RAB10: variants seen among roughly 807,000 people sequenced by gnomAD.
The protein encoded by RAB10 is RAB10, member RAS oncogene family.
A neutral mutation model predicts 25.7 loss-of-function variants in RAB10; 5 were observed. That is an observed-to-expected ratio of 0.19 (90% CI 0.10 to 0.41). RAB10 has a LOEUF of 0.41. RAB10 is among the 10% of genes least tolerant of loss of function. The pLI is 1.00. For synonymous variants in RAB10, 89 were observed against 86.4 expected (o/e 1.03, Z -0.16); for missense variants, 103 against 245.8 (o/e 0.42, Z 3.89).
intron 1 of RAB10, among the ~76,000 whole-genome samples, chr2:26,077,991 TAAAA>T (rs1666776481): frequency 6.6e-6 from 1 of 151,008 alleles, no homozygotes; most frequent in Non-Finnish European, 1.5e-5. Flanking sequence ...AAAAAATAAA[TAAAA>T]AAGGTAAAGG....
intron 3 of RAB10, among the ~76,000 whole-genome samples, chr2:26,126,210 G>T (rs1418934712): frequency 6.6e-6 from 1 of 152,040 alleles, no homozygotes; most frequent in African/African-American, 2.4e-5. Context: ...CATTCCATTA[G>T]TCTGTGTATC....
At chr2:26,119,205 G>A (rs1028910427) in intron 3 of RAB10, among the ~76,000 whole-genome samples, 2 of 152,018 alleles carry the variant, frequency 1.3e-5, no homozygotes, top group African/African-American at 2.4e-5. Context: ...TTAGGAGTTC[G>A]AGACCAGCTT....
intron 3 of RAB10, 75 bp downstream of exon 3, chr2:26,109,981 A>G (rs887261825): frequency 3.0e-6 from 4 of 1,355,500 alleles, no homozygotes; most frequent in South Asian, 1.6e-5. Context: ...AAATATTCCA[A>G]CTGATCTTCA....
intron 1 of RAB10, among the ~76,000 whole-genome samples, chr2:26,080,940 T>G (rs988776791): frequency 7.2e-5 from 11 of 152,152 alleles, no homozygotes; most frequent in African/African-American, 1.9e-4. Flanking sequence ...GTTGATATGG[T>G]TTGGCTGTGT....
chr2:26,036,135 CT>C (rs1006076630), intron 1 of RAB10, among the ~76,000 whole-genome samples: 5 of 152,320 alleles, frequency 3.3e-5, no homozygotes, highest in African/African-American at 1.2e-4. Flanking sequence ...TTAGCTGTAG[CT>C]GGCTAGGGTT....
intron 1 of RAB10, among the ~76,000 whole-genome samples, chr2:26,048,133 T>C (rs1666056250): frequency 6.6e-6 from 1 of 152,120 alleles, no homozygotes; most frequent in Admixed American, 6.6e-5. Flanking sequence ...CTGGGCTGAT[T>C]CTAGTTTTTA....
chr2:26,084,564 A>G (rs1376719921), intron 1 of RAB10, among the ~76,000 whole-genome samples: 1 of 152,220 alleles, frequency 6.6e-6, no homozygotes, highest in Non-Finnish European at 1.5e-5. Flanking sequence ...TATACCAAGT[A>G]CATTATTATT....
At chr2:26,059,831 C>T (rs1166578773) in intron 1 of RAB10, among the ~76,000 whole-genome samples, 8 of 152,198 alleles carry the variant, frequency 5.3e-5, no homozygotes, top group South Asian at 4.1e-4. Context: ...TCTGGAGATA[C>T]GTTTCACAAC....
At chr2:26,082,641 C>T (rs1346668476) in intron 1 of RAB10, among the ~76,000 whole-genome samples, 1 of 151,994 alleles carries the variant, frequency 6.6e-6, no homozygotes, top group East Asian at 1.9e-4. Context: ...TGAAAGAAAC[C>T]TCAGGCCCAA....
chr2:26,094,069 T>C (rs1271211519), intron 1 of RAB10, among the ~76,000 whole-genome samples: 1 of 151,790 alleles, frequency 6.6e-6, no homozygotes, highest in African/African-American at 2.4e-5. Flanking sequence ...CTAATTTTTT[T>C]GTAGAGATGA....
intron 1 of RAB10, among the ~76,000 whole-genome samples, chr2:26,048,817 A>T (rs1193331286): frequency 6.6e-6 from 1 of 152,198 alleles, no homozygotes; most frequent in African/African-American, 2.4e-5. Flanking sequence ...TTGAGGCTGC[A>T]GTGAGCTGTG....
At chr2:26,046,316 A>G (rs1666002273) in intron 1 of RAB10, among the ~76,000 whole-genome samples, 1 of 151,682 alleles carries the variant, frequency 6.6e-6, no homozygotes, top group African/African-American at 2.4e-5. Context: ...CAAGAGTGAA[A>G]CTCCGTCTCA....
At chr2:26,129,326 A>C (rs1443151895) in intron 5 of RAB10, among the ~76,000 whole-genome samples, 1 of 151,854 alleles carries the variant, frequency 6.6e-6, no homozygotes, top group Admixed American at 6.6e-5. Context: ...AGAGAAGCAG[A>C]TGTTGTATAG....
intron 5 of RAB10, among the ~76,000 whole-genome samples, chr2:26,132,558 A>G (rs922840182): frequency 6.6e-6 from 1 of 152,132 alleles, no homozygotes; most frequent in Admixed American, 6.5e-5. Flanking sequence ...TGACCTGAAA[A>G]CATATGTTTA....
chr2:26,107,306 A>G (rs1048974863), intron 2 of RAB10, among the ~76,000 whole-genome samples: 3 of 151,686 alleles, frequency 2.0e-5, no homozygotes, highest in African/African-American at 7.3e-5. Context: ...TAAACACATG[A>G]TCTGTAAAAG....
At chr2:26,044,339 CA>C in intron 1 of RAB10, among the ~76,000 whole-genome samples, 1 of 152,244 alleles carries the variant, frequency 6.6e-6, no homozygotes, top group South Asian at 2.1e-4. Flanking sequence ...GGTACTTTCC[CA>C]TGCTTTAATA....
intron 1 of RAB10, among the ~76,000 whole-genome samples, chr2:26,084,849 G>A (rs952546561): frequency 2.0e-5 from 3 of 152,074 alleles, no homozygotes; most frequent in African/African-American, 7.2e-5. Context: ...TCTGGACAAA[G>A]TTGCTTATGA....
At chr2:26,133,906 T>C (rs1285446077) in intron 5 of RAB10, among the ~76,000 whole-genome samples, 1 of 152,130 alleles carries the variant, frequency 6.6e-6, no homozygotes, top group East Asian at 1.9e-4. Context: ...ACTCCTGACC[T>C]CAGGTGATCC....
Position 26,136,738 on chromosome 2 carries a change from C to G in RAB10, c.*1717C>G, listed in dbSNP as rs1401025058. 1.3e-5 allele frequency: 2 copies of G among 152,560 alleles called. No individual in the cohort carries two copies. The highest frequency in any genetic ancestry group is 2.9e-5 in the Non-Finnish European group (2 of 68,030). 9.5% of individuals were successfully genotyped at this position (152,560 alleles called of 1,614,324 possible). ...TTAATGACCTCTTGGCTCACATAAGCAAACAACATAGGGACGTATCTGCTA... is the reference window on the plus strand; with the variant it reads ...TTAATGACCTCTTGGCTCACATAAGGAAACAACATAGGGACGTATCTGCTA... On this transcript the variant is annotated 3_prime_UTR_variant, in exon 6 of 6. Transcript: ENST00000264710.
Sources: allele counts gnomAD v4.1 joint callset (sites outside exome capture counted in the v4.1 genomes callset), GRCh38; gene constraint gnomAD v4.1.1; transcripts MANE v1.5; gene names NCBI Gene and HGNC (gene_info 2026-07-23, HGNC 2026-07-21).